ATG7: variants seen among roughly 807,000 people sequenced by gnomAD.
The protein encoded by ATG7 is ubiquitin-like modifier-activating enzyme ATG7.
A neutral mutation model predicts 82.4 loss-of-function variants in ATG7; 70 were observed. The observed-to-expected ratio is 0.85, with a 90% CI of 0.70 to 1.04. ATG7 has a LOEUF of 1.04. ATG7 is among the 50% of genes least tolerant of loss of function. The pLI, the probability that ATG7 is intolerant of heterozygous loss-of-function variation, is 0.00. For missense variants in ATG7, 792 were observed against 864.3 expected (o/e 0.92, Z 1.05); for synonymous variants, 287 against 313.0 (o/e 0.92, Z 0.88).
At chr3:11,340,544 G>A in intron 11 of ATG7, 101 bp from the exon 12 acceptor site, 1 of 995,346 alleles carries the variant, frequency 1.0e-6, no homozygotes, top group Admixed American at 2.2e-5. Flanking sequence ...CAATGCATGG[G>A]CCATTATGAA....
In ATG7 at chr3:11,424,960, G is replaced by A. The variant is rs549654452; in HGVS notation, c.1957-1844G>A. On this transcript the variant is annotated intron_variant, in intron 19 of 20. Transcript: ENST00000693202. ...TATAGACCTGCCTCATTCTTTTAAT[G>A]GATGCAAAATATCCCTTTTTTTTGT... Among the ~76,000 whole-genome samples the A allele has an allele frequency of 4.2e-5, 6 of 141,892 alleles. No homozygotes were observed. In the South Asian group the frequency reaches 1.4e-3, roughly 34 times the overall value. 93.1% of individuals were successfully genotyped at this position (141,892 alleles called of 152,430 possible).
At chr3:11,457,695 T>C (rs1168322409) in intron 20 of ATG7, among the ~76,000 whole-genome samples, 1 of 152,170 alleles carries the variant, frequency 6.6e-6, no homozygotes, top group Non-Finnish European at 1.5e-5. Context: ...AATTTCAATT[T>C]GTGTGCCCCT....
At chr3:11,339,275 G>T (rs1464131419) in intron 11 of ATG7, among the ~76,000 whole-genome samples, 1 of 133,862 alleles carries the variant, frequency 7.5e-6, no homozygotes, top group Admixed American at 9.1e-5. Context: ...CAGCCTGGGC[G>T]ACAGAGCGAG....
intron 20 of ATG7, among the ~76,000 whole-genome samples, chr3:11,449,802 T>C (rs554076487): frequency 1.2e-3 from 176 of 152,304 alleles, no homozygotes; most frequent in Non-Finnish European, 2.2e-3. Flanking sequence ...TGGAAAAATA[T>C]ATATTAGTTG....
Position 11,379,973 on chromosome 3 carries a change from T to C in ATG7, c.1877T>C (p.Ile626Thr). 1.9e-6 allele frequency: 3 copies of C among 1,614,092 alleles called. No individual in the cohort carries two copies. The highest frequency in any genetic ancestry group is 2.5e-6 in the Non-Finnish European group (3 of 1,179,916). The change falls in exon 19 of 21, where the codon ATC becomes ACC. Residue 626 changes from isoleucine (I) to threonine (T), a missense_variant and splice_region_variant. Coordinates refer to ENST00000693202, the MANE Select transcript of ATG7 (RefSeq NM_001349232.2). ...TTGTTTTGTTTTGTTTGTTTTTAGA[T>C]CCGGGGATTTCTTTCACGGTTTGAT... ...PTSLGLVPHQ[I>T]RGFLSRFDNV...
rs2072394852 is a variant in ATG7, at chr3:11,556,246, A to AGAACTTCAC, written c.*1405_*1413dup. 6.6e-6 allele frequency: 1 copy of AGAACTTCAC among 152,658 alleles called. No homozygotes were observed. The highest frequency in any genetic ancestry group is 2.1e-4 in the South Asian group (1 of 4,826). The allele number at this position is 152,658 out of a possible 1,614,324, so 9.5% of individuals were successfully genotyped here. On this transcript the variant is annotated 3_prime_UTR_variant, in exon 21 of 21. Transcript: ENST00000693202. ...CACTGCAGGCAGCGCGGCTCTGGGA[A>AGAACTTCAC]GAACTTCACGGAGCCCCTTCTTAGA...
intron 20 of ATG7, among the ~76,000 whole-genome samples, chr3:11,437,721 C>A (rs1190186344): frequency 6.6e-6 from 1 of 152,110 alleles, no homozygotes; most frequent in Non-Finnish European, 1.5e-5. Context: ...TGCATGCACT[C>A]CCCCGACGTC....
chr3:11,574,803 G>A, the ATG7 span, among the ~76,000 whole-genome samples: 1 of 144,194 alleles, frequency 6.9e-6, no homozygotes, highest in African/African-American at 2.8e-5. Flanking sequence ...GTGTGTGTGT[G>A]TGTGTGTGTG....
chr3:11,518,756 G>A (rs1480037985), intron 20 of ATG7, among the ~76,000 whole-genome samples: 3 of 152,132 alleles, frequency 2.0e-5, no homozygotes, highest in African/African-American at 2.4e-5. Context: ...GAAGCATAGG[G>A]AAACACTTGA....
At chr3:11,370,331 G>A (rs1047780658) in intron 18 of ATG7, among the ~76,000 whole-genome samples, 1 of 150,934 alleles carries the variant, frequency 6.6e-6, no homozygotes, top group East Asian at 1.9e-4. Context: ...TGCCCCCTTG[G>A]TGACTCTAGC....
intron 5 of ATG7, 109 bp downstream of exon 5, chr3:11,299,525 C>T (rs990996517): frequency 8.7e-6 from 10 of 1,154,506 alleles, no homozygotes; most frequent in African/African-American, 3.0e-5. Flanking sequence ...GGGAAGTTCC[C>T]GGTGGGCAGA....
intron 14 of ATG7, among the ~76,000 whole-genome samples, chr3:11,354,430 A>T (rs1372599005): frequency 6.6e-6 from 1 of 152,072 alleles, no homozygotes; most frequent in African/African-American, 2.4e-5. Context: ...CGGGTGGATC[A>T]CGAAGTCAAG....
chr3:11,514,099 C>T (rs1415628797), intron 20 of ATG7, among the ~76,000 whole-genome samples: 1 of 152,158 alleles, frequency 6.6e-6, no homozygotes, highest in African/African-American at 2.4e-5. Flanking sequence ...TAACACATGA[C>T]TGTCTCATCT....
intron 20 of ATG7, among the ~76,000 whole-genome samples, chr3:11,532,440 A>G (rs1433299457): frequency 1.3e-5 from 2 of 152,158 alleles, no homozygotes; most frequent in Non-Finnish European, 2.9e-5. Context: ...CAGGCTTCTC[A>G]GGCTGGGTGC....
rs756310210 is a variant in ATG7 at position 11,447,471 on chromosome 3, A to G, written c.2079+20545A>G. ...AACAGTGCAAGACTCCGTCTCAGGGAAAAAAAAAAAAAAAGTAATTTATTG... is the reference window on the plus strand; with the variant it reads ...AACAGTGCAAGACTCCGTCTCAGGGGAAAAAAAAAAAAAAGTAATTTATTG... On this transcript the variant is annotated intron_variant, in intron 20 of 20. Transcript: ENST00000693202. 3.4e-3 allele frequency among the ~76,000 whole-genome samples: 451 copies of G among 134,186 alleles called. 1 individual carries two copies. Among genetic ancestry groups the G allele is most frequent in the African/African-American group, 0.011 (394 of 34,974 alleles). The allele number at this position is 134,186 out of a possible 152,430, so 88.0% of individuals were successfully genotyped here.
intron 3 of ATG7, among the ~76,000 whole-genome samples, chr3:11,289,663 T>A (rs1209731105): frequency 6.6e-6 from 1 of 152,190 alleles, no homozygotes; most frequent in Non-Finnish European, 1.5e-5. Context: ...GCTCGAGCTA[T>A]CTTCCTACCT....
the ATG7 span, chr3:11,568,556 G>C: frequency 1.3e-6 from 2 of 1,552,278 alleles, no homozygotes; most frequent in Non-Finnish European, 1.7e-6. The surrounding 1 kb of genome is among the most constrained non-coding windows in gnomAD (Gnocchi z 5.9). Context: ...AGCGAGAAAA[G>C]GCCTGGAGAA....
intron 18 of ATG7, among the ~76,000 whole-genome samples, chr3:11,366,218 C>CAAAAAAAAA (rs1296231136): frequency 1.6e-5 from 1 of 60,646 alleles, no homozygotes; most frequent in African/African-American, 5.4e-5. Context: ...GACTCCATCT[C>CAAAAAAAAA]AAAAAAAAAA....
chr3:11,477,649 A>G (rs947946835), intron 20 of ATG7, among the ~76,000 whole-genome samples: 5 of 152,206 alleles, frequency 3.3e-5, no homozygotes, highest in African/African-American at 4.8e-5. Flanking sequence ...TTTCAGTTGT[A>G]AGTTGCAAAT....
Sources: gnomAD v4.1 joint callset for allele counts (sites outside exome capture counted in the v4.1 genomes callset) on GRCh38, gnomAD v4.1.1 for gene constraint, Gnocchi (gnomAD v3.1) non-coding constraint, MANE v1.5 for transcripts, NCBI Gene and HGNC (gene_info 2026-07-23, HGNC 2026-07-21) for gene names.